ZCCHC14: variants seen among roughly 807,000 people sequenced by gnomAD.
ZCCHC14 encodes the protein zinc finger CCHC domain-containing protein 14.
In ZCCHC14, 16 loss-of-function variants were observed where a neutral mutation model predicts 85.0. The observed-to-expected ratio is 0.19, with a 90% CI of 0.13 to 0.29. The LOEUF (loss-of-function observed/expected upper bound fraction) is 0.29. ZCCHC14 is among the 10% of genes least tolerant of loss of function. The probability of loss-of-function intolerance (pLI) is 1.00; values close to 1 mark genes in which losing one functional copy is unlikely to be tolerated. For missense variants in ZCCHC14, 1,303 were observed against 1,443.5 expected (o/e 0.90, Z 1.58); for synonymous variants, 775 against 630.7 (o/e 1.23, Z -3.43).
chr16:87,476,737 T>TG (rs1308382041), intron 1 of ZCCHC14, among the ~76,000 whole-genome samples: 5 of 75,260 alleles, frequency 6.6e-5, no homozygotes, highest in Non-Finnish European at 1.2e-4. Flanking sequence ...GGCCTGGGGG[T>TG]GGGGGGTGGG....
rs1004182356 is a variant in ZCCHC14 at position 87,420,548 on chromosome 16, A to G, written c.950+59T>C. On this transcript the variant is annotated intron_variant, in intron 5 of 12. Transcript: ENST00000671377. This position sits in a 1 kb window ranked among gnomAD's most constrained non-coding sequence, Gnocchi z 5.0. ...TCCTTGGAGGACCACAGCATTGACC[A>G]CAGGACCAGCCTGTCCTTGCCAGCT... 31 of 1,426,478 alleles carry G rather than the reference A, an allele frequency of 2.2e-5. No individual in the cohort carries two copies. The Admixed American group carries it at 5.7e-4, about 26-fold the overall frequency. 88.4% of individuals were successfully genotyped at this position (1,426,478 alleles called of 1,614,324 possible).
intron 2 of ZCCHC14, among the ~76,000 whole-genome samples, chr16:87,447,560 C>T (rs1292387222): frequency 6.6e-6 from 1 of 152,184 alleles, no homozygotes; most frequent in Non-Finnish European, 1.5e-5. Context: ...TGACTGAGTT[C>T]TCTTCCATTG....
At chr16:87,427,078 C>T (rs2150733603) in intron 3 of ZCCHC14, among the ~76,000 whole-genome samples, 1 of 152,374 alleles carries the variant, frequency 6.6e-6, no homozygotes, top group South Asian at 2.1e-4. Flanking sequence ...CTTTCTAAGT[C>T]CTTGTCAATC....
At chr16:87,489,436 G>A (rs1335571368) in intron 1 of ZCCHC14, among the ~76,000 whole-genome samples, 3 of 152,202 alleles carry the variant, frequency 2.0e-5, no homozygotes, top group Non-Finnish European at 2.9e-5. Flanking sequence ...AACATGCCTT[G>A]CTTTAAGTTA....
chr16:87,437,542 G>T (rs557085798), intron 2 of ZCCHC14, among the ~76,000 whole-genome samples: 1 of 152,306 alleles, frequency 6.6e-6, no homozygotes, highest in South Asian at 2.1e-4. Flanking sequence ...GAGCACTGAG[G>T]CTGGTCAGCA....
intron 1 of ZCCHC14, among the ~76,000 whole-genome samples, chr16:87,463,043 G>A (rs982425460): frequency 2.0e-5 from 3 of 152,124 alleles, no homozygotes; most frequent in African/African-American, 7.2e-5. Flanking sequence ...ACTCCAGCCT[G>A]GGCAACGAGA....
chr16:87,431,957 G>C (rs1305851922), intron 3 of ZCCHC14, among the ~76,000 whole-genome samples: 4 of 152,158 alleles, frequency 2.6e-5, no homozygotes, highest in African/African-American at 9.7e-5. Context: ...CAGCAGCTGA[G>C]GATTTTCCTT....
intron 3 of ZCCHC14, among the ~76,000 whole-genome samples, chr16:87,426,339 A>T (rs1909370383): frequency 6.6e-6 from 1 of 152,220 alleles, no homozygotes; most frequent in South Asian, 2.1e-4. Context: ...ATCCACAACC[A>T]GCTACCCCAT....
chr16:87,487,201 A>G (rs1408320436), intron 1 of ZCCHC14, among the ~76,000 whole-genome samples: 1 of 152,236 alleles, frequency 6.6e-6, no homozygotes, highest in African/African-American at 2.4e-5. Flanking sequence ...TGCAAGCCAC[A>G]GAGAGTTCCA....
chr16:87,412,763 G>A lies in ZCCHC14; in HGVS notation c.1958C>T (p.Pro653Leu), dbSNP rs775861193. The change falls in exon 12 of 13, where the codon CCG becomes CTG. Residue 653 changes from proline to leucine, a missense_variant. Transcript: ENST00000671377. ...PIRMLNSVHK[P>L]ERGSADMKLL... ...CTTCATGTCCGCGCTCCCTCTTTCC[G>A]GCTTGTGCACGGAATTCAGCATGCG... 19 of 1,613,992 alleles carry A rather than the reference G, an allele frequency of 1.2e-5. No individual in the cohort carries two copies. The East Asian group carries it at 2.7e-4, about 23-fold the overall frequency.
chr16:87,485,929 C>CAAATGGGTAAACTAAAGCCTAAGTAAA (rs1912496020), intron 1 of ZCCHC14, among the ~76,000 whole-genome samples: 5 of 152,196 alleles, frequency 3.3e-5, no homozygotes, highest in Non-Finnish European at 4.4e-5. Context: ...ATGCCTATCT[C>CAAATGGGTAAACTAAAGCCTAAGTAAA]CAGTTATCTT....
rs534149189 is a variant in ZCCHC14 at position 87,406,671 on chromosome 16, C to G, written c.*3609G>C. Reference sequence around the variant, plus strand: ...AGGCCGCGGCGGATGGCCACTGCCCCCTTCCTTGGTGAACAGTGGAGCAAT... The same window carrying G: ...AGGCCGCGGCGGATGGCCACTGCCCGCTTCCTTGGTGAACAGTGGAGCAAT... On this transcript the variant is annotated 3_prime_UTR_variant, in exon 13 of 13. Transcript: ENST00000671377. 9 of 152,350 alleles carry G rather than the reference C, an allele frequency of 5.9e-5. No individual in the cohort carries two copies. Among genetic ancestry groups the G allele is most frequent in the African/African-American group, 1.9e-4 (8 of 41,566 alleles). The allele number at this position is 152,350 out of a possible 1,614,324, so 9.4% of individuals were successfully genotyped here. A position where few individuals can be genotyped will look rare whatever the true frequency, so the allele number is the denominator to read the frequency against.
At chr16:87,424,503 T>C (rs1192834157) in intron 3 of ZCCHC14, among the ~76,000 whole-genome samples, 1 of 152,176 alleles carries the variant, frequency 6.6e-6, no homozygotes, top group Non-Finnish European at 1.5e-5. Context: ...CCAGCCCTTG[T>C]GAGCATCAGC....
At position 87,432,916 on chromosome 16, in the gene ZCCHC14, G is replaced by A. The variant is rs557805986; in HGVS notation, c.768+212C>T. 5.4e-5 allele frequency among the ~76,000 whole-genome samples: 8 copies of A among 149,368 alleles called. No individual in the cohort carries two copies. The East Asian group carries it at 1.0e-3, about 19-fold the overall frequency. ...GAACTGACAACCCCAGGCCCTGCCC[G>A]AGCCCCCACCCTTCCCGCCTGCAGA... is the stretch of plus-strand genomic sequence containing the variant. On this transcript the variant is annotated intron_variant, in intron 3 of 12. Coordinates refer to ENST00000671377, the MANE Select transcript of ZCCHC14 (RefSeq NM_015144.3).
At chr16:87,486,917 C>T (rs1912536859) in intron 1 of ZCCHC14, among the ~76,000 whole-genome samples, 4 of 152,138 alleles carry the variant, frequency 2.6e-5, no homozygotes, top group Non-Finnish European at 5.9e-5. Flanking sequence ...AGAGAGAGTC[C>T]GTTCTTATGG....
Position 87,412,891 on chromosome 16 carries a change from C to T in ZCCHC14, c.1830G>A (p.Thr610=), listed in dbSNP as rs201238155. Residue 610 remains threonine (T), a synonymous_variant, in exon 12 of 13, where the codon ACG becomes ACA. Transcript: ENST00000671377. The stretch of plus-strand genomic sequence containing the variant: ...CATTCTGCACAGGGAGAACCTGGGC[C>T]GTGGGTCTGGCGGAACTGGAAGTGA... ...NHFTSSSARP[T]AQVLPVQNEA... 25 of 1,603,352 alleles carry T rather than the reference C, an allele frequency of 1.6e-5. No individual in the cohort carries two copies. Among genetic ancestry groups the T allele is most frequent in the East Asian group, 8.9e-5 (4 of 44,770 alleles).
At chr16:87,440,409 C>T (rs1165254994) in intron 2 of ZCCHC14, among the ~76,000 whole-genome samples, 1 of 152,182 alleles carries the variant, frequency 6.6e-6, no homozygotes, top group Non-Finnish European at 1.5e-5. Context: ...AAGTGATCCA[C>T]CCACCTTGGC....
chr16:87,422,948 G>A (rs1360362047), intron 4 of ZCCHC14, among the ~76,000 whole-genome samples: 3 of 152,158 alleles, frequency 2.0e-5, no homozygotes, highest in Non-Finnish European at 4.4e-5. Context: ...GCACTGTCGT[G>A]TTCTTCAATG....
intron 2 of ZCCHC14, among the ~76,000 whole-genome samples, chr16:87,442,562 G>A (rs978711258): frequency 3.9e-5 from 6 of 151,940 alleles, no homozygotes; most frequent in African/African-American, 1.5e-4. Flanking sequence ...AGAACCAAAT[G>A]AAAATTTACA....
Sources: gnomAD v4.1 joint callset for allele counts (sites outside exome capture counted in the v4.1 genomes callset) on GRCh38, gnomAD v4.1.1 for gene constraint, Gnocchi (gnomAD v3.1) non-coding constraint, MANE v1.5 for transcripts, NCBI Gene and HGNC (gene_info 2026-07-23, HGNC 2026-07-21) for gene names.